Variants in FBXW7 observed in about 807,000 individuals in gnomAD.
FBXW7 encodes the protein F-box and WD repeat domain containing 7, also known as F-box/WD repeat-containing protein 7.
FBXW7 carries 11 observed loss-of-function variants against 86.3 expected under a neutral mutation model. The observed-to-expected ratio is 0.13, with a 90% CI of 0.08 to 0.21. FBXW7 has a LOEUF of 0.21. FBXW7 is among the 10% of genes least tolerant of loss of function. FBXW7 has a pLI of 1.00. For synonymous variants in FBXW7, 313 were observed against 297.9 expected (o/e 1.05, Z -0.52); for missense variants, 488 against 847.4 (o/e 0.58, Z 5.27).
rs1051412301 is a variant in FBXW7 at position 152,390,760 on chromosome 4, T to C, written c.501+20543A>G. Among the ~76,000 whole-genome samples, 5 of 151,972 alleles carry C rather than the reference T, an allele frequency of 3.3e-5. No individual in the cohort carries two copies. The South Asian group carries it at 8.3e-4, about 25-fold the overall frequency. On this transcript the variant is annotated intron_variant, in intron 4 of 13. Coordinates refer to ENST00000281708, the MANE Select transcript of FBXW7 (RefSeq NM_001349798.2). ...TCTCTTATAAAAATTCTTAAGAGTATTGCAGGCCAGGGAGTCATAATACTA... is the reference window on the plus strand; with the variant it reads ...TCTCTTATAAAAATTCTTAAGAGTACTGCAGGCCAGGGAGTCATAATACTA...
At chr4:152,379,055 TTAATA>T (rs1299382880) in intron 4 of FBXW7, among the ~76,000 whole-genome samples, 1 of 152,018 alleles carries the variant, frequency 6.6e-6, no homozygotes, top group Non-Finnish European at 1.5e-5. Context: ...AAGCTGCATC[TTAATA>T]TAATTTCTCT....
chr4:152,395,569 G>C (rs1198031370), intron 4 of FBXW7, among the ~76,000 whole-genome samples: 1 of 151,972 alleles, frequency 6.6e-6, no homozygotes, highest in African/African-American at 2.4e-5. Flanking sequence ...CAATTCATTT[G>C]GCAGTTTAAT....
chr4:152,352,420 C>T (rs766645934), intron 4 of FBXW7: 1 of 1,604,214 alleles, frequency 6.2e-7, no homozygotes, highest in Admixed American at 1.7e-5. Flanking sequence ...CCTTCTCAGG[C>T]AGGCATACAC....
intron 2 of FBXW7, among the ~76,000 whole-genome samples, chr4:152,418,291 G>C (rs1453192727): frequency 2.0e-5 from 3 of 152,058 alleles, no homozygotes; most frequent in African/African-American, 7.2e-5. Context: ...AGCCTACGTA[G>C]TACTTATTTT....
Position 152,505,285 on chromosome 4 carries a change from A to G in FBXW7, c.-120+29656T>C, listed in dbSNP as rs112342877. On this transcript the variant is annotated intron_variant, in intron 2 of 13. Transcript: ENST00000281708. ...GATGCATATGAAGGCCTAGGACATTATTGTATACTACCATACACTTTATAA... is the reference window on the plus strand; with the variant it reads ...GATGCATATGAAGGCCTAGGACATTGTTGTATACTACCATACACTTTATAA... 4.9e-3 allele frequency among the ~76,000 whole-genome samples: 745 copies of G among 152,320 alleles called. 6 individuals carry two copies. Among genetic ancestry groups the G allele is most frequent in the Middle Eastern group, 0.017 (5 of 294 alleles).
chr4:152,479,189 G>A (rs1744666153), intron 2 of FBXW7, among the ~76,000 whole-genome samples: 1 of 151,998 alleles, frequency 6.6e-6, no homozygotes, highest in African/African-American at 2.4e-5. Flanking sequence ...CCTAAGAGAT[G>A]CAAATGACAA....
intron 2 of FBXW7, among the ~76,000 whole-genome samples, chr4:152,525,010 G>T (rs1274979452): frequency 6.6e-6 from 1 of 152,050 alleles, no homozygotes; most frequent in Non-Finnish European, 1.5e-5. Flanking sequence ...TAATAATCAG[G>T]AAGAAATCAA....
At chr4:152,366,685 G>A (rs1733513109) in intron 4 of FBXW7, among the ~76,000 whole-genome samples, 1 of 152,162 alleles carries the variant, frequency 6.6e-6, no homozygotes. Flanking sequence ...CACTGTTGGT[G>A]GGACTATAAA....
intron 2 of FBXW7, among the ~76,000 whole-genome samples, chr4:152,496,039 T>C (rs1324697345): frequency 1.3e-5 from 2 of 152,062 alleles, no homozygotes; most frequent in Admixed American, 1.3e-4. Context: ...TGGTTGGGTG[T>C]GGTGACATGC....
chr4:152,405,308 G>C (rs1254489740), intron 4 of FBXW7, among the ~76,000 whole-genome samples: 1 of 152,070 alleles, frequency 6.6e-6, no homozygotes, highest in East Asian at 1.9e-4. Context: ...AGAGAAGCAA[G>C]AACAGGTTGA....
At chr4:152,429,455 G>A (rs912491744) in intron 2 of FBXW7, among the ~76,000 whole-genome samples, 1 of 152,136 alleles carries the variant, frequency 6.6e-6, no homozygotes, top group African/African-American at 2.4e-5. Flanking sequence ...GGAGGTCTGA[G>A]AAAGAGAGAG....
chr4:152,369,372 C>G (rs1733794409), intron 4 of FBXW7, among the ~76,000 whole-genome samples: 1 of 152,170 alleles, frequency 6.6e-6, no homozygotes, highest in African/African-American at 2.4e-5. Context: ...CTTAGGCACT[C>G]TGCTTTTCTG....
chr4:152,328,074 G>A (rs1211493176), intron 11 of FBXW7, 134 bp downstream of exon 11: 1 of 709,750 alleles, frequency 1.4e-6, no homozygotes, highest in Non-Finnish European at 2.2e-6. Flanking sequence ...TCCTAGAATA[G>A]AAACATCTGA....
chr4:152,375,581 C>T (rs919050746), intron 4 of FBXW7, among the ~76,000 whole-genome samples: 4 of 151,750 alleles, frequency 2.6e-5, no homozygotes, highest in Non-Finnish European at 5.9e-5. Flanking sequence ...ATATATTTTC[C>T]TTATGAGGCC....
intron 2 of FBXW7, among the ~76,000 whole-genome samples, chr4:152,415,224 TAGTAGAC>T (rs1738316394): frequency 6.6e-6 from 1 of 152,244 alleles, no homozygotes; most frequent in South Asian, 2.1e-4. Flanking sequence ...TTTGAAATCA[TAGTAGAC>T]ACTGAGGAAT....
chr4:152,384,924 C>T (rs1735403436), intron 4 of FBXW7, among the ~76,000 whole-genome samples: 3 of 151,960 alleles, frequency 2.0e-5, no homozygotes. Flanking sequence ...TAGGTTCATG[C>T]TAGTCTTAGC....
intron 6 of FBXW7, among the ~76,000 whole-genome samples, chr4:152,342,178 T>C (rs1020192971): frequency 3.3e-5 from 5 of 152,178 alleles, no homozygotes; most frequent in African/African-American, 1.2e-4. Context: ...AAATGCAAAT[T>C]TGAAAATTCC....
intron 2 of FBXW7, among the ~76,000 whole-genome samples, chr4:152,463,521 C>T: frequency 6.6e-6 from 1 of 151,692 alleles, no homozygotes; most frequent in East Asian, 1.9e-4. Flanking sequence ...AGAGATATTA[C>T]AGGGCTTGTG....
At chr4:152,411,216 T>C in intron 4 of FBXW7, 87 bp downstream of exon 4, 1 of 1,410,202 alleles carries the variant, frequency 7.1e-7, no homozygotes, top group South Asian at 1.7e-5. Context: ...TAATTTTTAG[T>C]AATACAAAGA....
Sources: gnomAD v4.1 joint callset for allele counts (sites outside exome capture counted in the v4.1 genomes callset) on GRCh38, gnomAD v4.1.1 for gene constraint, MANE v1.5 for transcripts, NCBI Gene and HGNC (gene_info 2026-07-23, HGNC 2026-07-21) for gene names.